ATOSA: variants seen among roughly 807,000 people sequenced by gnomAD.
The protein encoded by ATOSA is atos homolog protein A.
At chr15:52,613,540 G>C in the ATOSA span, 5 of 1,112,222 alleles carry the variant, frequency 4.5e-6, no homozygotes, top group African/African-American at 1.6e-5. Flanking sequence ...CCAGGATTTG[G>C]ATTTTTTCCC....
the ATOSA span, among the ~76,000 whole-genome samples, chr15:52,612,111 A>G: frequency 1.3e-5 from 2 of 152,104 alleles, no homozygotes; most frequent in Non-Finnish European, 2.9e-5. Context: ...CAGCCTCTCA[A>G]GTAGCTGGGA....
At chr15:52,601,225 T>C in the ATOSA span, 8 of 1,004,360 alleles carry the variant, frequency 8.0e-6, no homozygotes, top group Non-Finnish European at 1.2e-5. Flanking sequence ...TTTTCTTGAA[T>C]TGATAAAACA....
At chr15:52,587,417 T>C in the ATOSA span, 1 of 481,270 alleles carries the variant, frequency 2.1e-6, no homozygotes, top group African/African-American at 2.0e-5. Flanking sequence ...GTGATGTCGC[T>C]ATAAAGAATA....
At chr15:52,613,955 T>C in the ATOSA span, 1 of 938,058 alleles carries the variant, frequency 1.1e-6, no homozygotes, top group South Asian at 1.4e-5. Context: ...TTACACATTA[T>C]TCATTTAACA....
At chr15:52,707,862 A>G in the ATOSA span, among the ~76,000 whole-genome samples, 1 of 152,192 alleles carries the variant, frequency 6.6e-6, no homozygotes, top group Non-Finnish European at 1.5e-5. Flanking sequence ...AGAATGAGAA[A>G]TGCTCAAAGA....
At chr15:52,596,901 A>G in the ATOSA span, among the ~76,000 whole-genome samples, 2 of 152,222 alleles carry the variant, frequency 1.3e-5, no homozygotes, top group Non-Finnish European at 2.9e-5. Context: ...TCAGACTTGG[A>G]AAAAATATTT....
At chr15:52,648,984 T>C in the ATOSA span, among the ~76,000 whole-genome samples, 8 of 152,134 alleles carry the variant, frequency 5.3e-5, no homozygotes, top group Non-Finnish European at 5.9e-5. Context: ...CTGTCACTTT[T>C]ATAACTGAGC....
At chr15:52,623,791 C>T in the ATOSA span, among the ~76,000 whole-genome samples, 90 of 152,204 alleles carry the variant, frequency 5.9e-4, no homozygotes, top group Admixed American at 3.5e-3. Context: ...AGAGTATAAA[C>T]GATAAATGCA....
At chr15:52,695,816 G>A in the ATOSA span, among the ~76,000 whole-genome samples, 9 of 152,298 alleles carry the variant, frequency 5.9e-5, no homozygotes, top group South Asian at 2.1e-4. Flanking sequence ...AGACATGAAG[G>A]AGTTAAGGGA....
the ATOSA span, among the ~76,000 whole-genome samples, chr15:52,619,265 AT>A: frequency 6.6e-6 from 1 of 152,136 alleles, no homozygotes; most frequent in Admixed American, 6.6e-5. Context: ...GCAGTAAAAA[AT>A]TTTTTTAAAG....
chr15:52,665,441 T>C, the ATOSA span, among the ~76,000 whole-genome samples: 11 of 152,198 alleles, frequency 7.2e-5, no homozygotes, highest in Non-Finnish European at 1.0e-4. Flanking sequence ...GAAATCAAAT[T>C]TGGAATCATT....
chr15:52,593,975 G>T, the ATOSA span, among the ~76,000 whole-genome samples: 1 of 152,084 alleles, frequency 6.6e-6, no homozygotes, highest in Admixed American at 6.5e-5. Flanking sequence ...ACAACAGTTT[G>T]GTCTTCTCTC....
the ATOSA span, among the ~76,000 whole-genome samples, chr15:52,695,794 G>A: frequency 6.6e-6 from 1 of 152,170 alleles, no homozygotes; most frequent in Admixed American, 6.6e-5. Context: ...ACTTGAAGAG[G>A]TTTGAGAACA....
chr15:52,667,604 G>C, the ATOSA span, among the ~76,000 whole-genome samples: 893 of 152,290 alleles, frequency 5.9e-3, 4 homozygotes, highest in African/African-American at 0.021. Context: ...TTGTAGCACT[G>C]CCAATTTCCA....
the ATOSA span, among the ~76,000 whole-genome samples, chr15:52,693,206 G>A: frequency 6.6e-6 from 1 of 152,110 alleles, no homozygotes; most frequent in Admixed American, 6.5e-5. Flanking sequence ...GATCACTTGA[G>A]GTCAGGAGTT....
chr15:52,605,368 G>A, the ATOSA span: 1 of 640,004 alleles, frequency 1.6e-6, no homozygotes, highest in African/African-American at 1.9e-5. Context: ...TGAAGCTGGT[G>A]ATATACAGGT....
chr15:52,654,575 C>T, the ATOSA span, among the ~76,000 whole-genome samples: 12 of 152,166 alleles, frequency 7.9e-5, no homozygotes, highest in African/African-American at 2.9e-4. Flanking sequence ...CCTTCCCCTG[C>T]TCCTCCGGAA....
At chr15:52,600,057 CAT>C in the ATOSA span, 17 of 643,834 alleles carry the variant, frequency 2.6e-5, no homozygotes, top group Admixed American at 8.7e-5. Context: ...AAGTTAAAGA[CAT>C]ATAAAATGAC....
chr15:52,704,300 C>T, the ATOSA span, among the ~76,000 whole-genome samples: 13 of 152,252 alleles, frequency 8.5e-5, no homozygotes, highest in South Asian at 2.1e-4. Context: ...ACTAGCTAGC[C>T]ATATGTAGAA....
Sources: gnomAD v4.1 joint callset for allele counts (sites outside exome capture counted in the v4.1 genomes callset) on GRCh38, gnomAD v4.1.1 for gene constraint, MANE v1.5 for transcripts, NCBI Gene and HGNC (gene_info 2026-07-23, HGNC 2026-07-21) for gene names.